The following NASP variants were observed in gnomAD, a reference collection of about 807,000 sequenced individuals.
NASP encodes NASP histone chaperone.
A neutral mutation model predicts 89.5 loss-of-function variants in NASP; 24 were observed. The observed-to-expected ratio is 0.27, with a 90% CI of 0.19 to 0.38. The LOEUF (loss-of-function observed/expected upper bound fraction) is 0.38, where lower values mean the gene tolerates loss of function less well. Among genes scored for constraint, NASP ranks in the 10% least tolerant of loss-of-function variants. The probability of loss-of-function intolerance (pLI) is 1.00; values close to 1 mark genes in which losing one functional copy is unlikely to be tolerated. For missense variants in NASP, 848 were observed against 921.4 expected, an observed-to-expected ratio of 0.92 and a Z score of 1.03; for synonymous variants, 306 against 324.7, an observed-to-expected ratio of 0.94 and a Z score of 0.62.
chr1:45,589,441 A>G (rs1643459359), intron 1 of NASP, among the ~76,000 whole-genome samples: 1 of 152,106 alleles, frequency 6.6e-6, no homozygotes, highest in African/African-American at 2.4e-5. Flanking sequence ...CTGGGTTTAA[A>G]ACGGCCTTCT....
At chr1:45,606,453 AC>A (rs1318601758) in intron 4 of NASP, 28 bp from the exon 5 acceptor site, 1 of 1,551,076 alleles carries the variant, frequency 6.4e-7, no homozygotes, top group Non-Finnish European at 8.9e-7. Flanking sequence ...TAGCCATCAA[AC>A]CTTTGGTGCT....
At chr1:45,595,010 T>A (rs1252008980) in intron 2 of NASP, among the ~76,000 whole-genome samples, 1 of 152,062 alleles carries the variant, frequency 6.6e-6, no homozygotes, top group Non-Finnish European at 1.5e-5. Flanking sequence ...TTTCCCCCCT[T>A]GAGTCAGGGT....
chr1:45,598,390 C>T (rs1166144436), intron 2 of NASP, among the ~76,000 whole-genome samples: 2 of 151,954 alleles, frequency 1.3e-5, no homozygotes, highest in Non-Finnish European at 2.9e-5. Context: ...GTCACTGTGC[C>T]TGGACCCATT....
intron 2 of NASP, among the ~76,000 whole-genome samples, chr1:45,600,754 C>T (rs1643820428): frequency 1.3e-5 from 2 of 152,156 alleles, no homozygotes; most frequent in South Asian, 2.1e-4. Context: ...CTTTAAGAAA[C>T]GTCCAAACTG....
At position 45,584,115 on chromosome 1, in the gene NASP, T is replaced by A; in HGVS notation, c.-32T>A. 1 of 1,566,974 alleles carries A rather than the reference T, an allele frequency of 6.4e-7. No individual in the cohort carries two copies. Among genetic ancestry groups the A allele is most frequent in the South Asian group, 1.2e-5 (1 of 85,486 alleles). On this transcript the variant is annotated 5_prime_UTR_variant, in exon 1 of 15. Coordinates refer to ENST00000350030, the MANE Select transcript of NASP (RefSeq NM_002482.4). ...TGCCTGTTTTTCTCGCAGGCTCTAT[T>A]CCGTTCGCTGGTTCGCCACCTCAGG...
chr1:45,590,617 T>G (rs1408199456), intron 1 of NASP, among the ~76,000 whole-genome samples: 1 of 151,182 alleles, frequency 6.6e-6, no homozygotes, highest in Non-Finnish European at 1.5e-5. Flanking sequence ...CTTAATAGTG[T>G]TTTTACTGGT....
chr1:45,595,737 C>T (rs1426714136), intron 2 of NASP, among the ~76,000 whole-genome samples: 3 of 152,192 alleles, frequency 2.0e-5, no homozygotes, highest in African/African-American at 7.2e-5. Flanking sequence ...TTCACTATCA[C>T]CTTCACTTAG....
chr1:45,600,536 T>A, intron 2 of NASP: 1 of 862,618 alleles, frequency 1.2e-6, no homozygotes, highest in South Asian at 3.2e-5. Context: ...CCACCTGTAT[T>A]AATAGTTCAT....
At chr1:45,608,424 AGGATTTTCCGTCTGCCTTT>A in intron 6 of NASP, 87 bp downstream of exon 6, 1 of 1,398,570 alleles carries the variant, frequency 7.2e-7, no homozygotes, top group Admixed American at 2.0e-5. Flanking sequence ...CCTTCCATTC[AGGATTTTCCGTCTGCCTTT>A]GGATTAGGAA....
At chr1:45,588,100 C>T (rs762718728) in intron 1 of NASP, among the ~76,000 whole-genome samples, 1 of 151,560 alleles carries the variant, frequency 6.6e-6, no homozygotes, top group Non-Finnish European at 1.5e-5. Flanking sequence ...ATCAGCCAGG[C>T]GTGGTTGCGC....
intron 11 of NASP, chr1:45,615,761 A>G: frequency 3.5e-6 from 1 of 288,110 alleles, no homozygotes; most frequent in Non-Finnish European, 6.4e-6. Flanking sequence ...TTGAGACCAG[A>G]AGTGTTTTGC....
chr1:45,589,987 C>T (rs1643491186), intron 1 of NASP, among the ~76,000 whole-genome samples: 1 of 152,112 alleles, frequency 6.6e-6, no homozygotes, highest in African/African-American at 2.4e-5. Context: ...TCCAGTAGTC[C>T]TCAGAGCATG....
intron 2 of NASP, among the ~76,000 whole-genome samples, chr1:45,593,616 A>G (rs1031591536): frequency 4.0e-5 from 6 of 151,624 alleles, no homozygotes; most frequent in African/African-American, 9.7e-5. Context: ...TTCAGCTTCA[A>G]AGAACATGTT....
At chr1:45,605,965 G>A (rs962658128) in intron 4 of NASP, among the ~76,000 whole-genome samples, 1 of 151,368 alleles carries the variant, frequency 6.6e-6, no homozygotes, top group Non-Finnish European at 1.5e-5. Flanking sequence ...TAGTAGAGAT[G>A]GGGTTTCTCC....
chr1:45,586,268 GTGTGTGTGTGTGTGTGGTGTGTGTGTGT>G (rs1644537838), intron 1 of NASP, among the ~76,000 whole-genome samples: 1 of 63,888 alleles, frequency 1.6e-5, no homozygotes, highest in African/African-American at 7.1e-5. Context: ...GTGTGTGTGT[GTGTGTGTGTGTGTGTGGTGTGTGTGTGT>G]GTGTGTGTGT....
chr1:45,607,230 G>A (rs1429855206), intron 5 of NASP, 91 bp from the exon 6 acceptor site: 33 of 1,330,428 alleles, frequency 2.5e-5, no homozygotes, highest in Non-Finnish European at 3.1e-5. Flanking sequence ...GCTTTTTGAG[G>A]GTTTAAAGGG....
chr1:45,602,099 C>G (rs1643862131), intron 2 of NASP, among the ~76,000 whole-genome samples, 156 bp from the exon 3 acceptor site: 1 of 152,072 alleles, frequency 6.6e-6, no homozygotes, highest in Non-Finnish European at 1.5e-5. Context: ...TTTAAGATTT[C>G]TTTTGATTTT....
intron 3 of NASP, 30 bp downstream of exon 3, chr1:45,602,395 A>G (rs180899238): frequency 1.3e-6 from 2 of 1,594,308 alleles, no homozygotes; most frequent in Middle Eastern, 1.7e-4. Flanking sequence ...CTATGATGTA[A>G]TATTATGTTC....
At chr1:45,585,347 C>A (rs572511809) in intron 1 of NASP, among the ~76,000 whole-genome samples, 1 of 152,114 alleles carries the variant, frequency 6.6e-6, no homozygotes, top group Non-Finnish European at 1.5e-5. Flanking sequence ...AATTGATATT[C>A]TATAGGCTTA....
Sources: gnomAD v4.1 joint callset for allele counts (sites outside exome capture counted in the v4.1 genomes callset) on GRCh38, gnomAD v4.1.1 for gene constraint, MANE v1.5 for transcripts, NCBI Gene and HGNC (gene_info 2026-07-23, HGNC 2026-07-21) for gene names.